Variants in TENM3 observed in about 807,000 individuals in gnomAD.
The protein encoded by TENM3 is teneurin-3.
A neutral mutation model predicts 255.1 loss-of-function variants in TENM3; 63 were observed. That is an observed-to-expected ratio of 0.25 (90% CI 0.20 to 0.30). The LOEUF is 0.30. TENM3 is among the 10% of genes least tolerant of loss of function. TENM3 has a pLI of 1.00. For missense variants in TENM3, 2,929 were observed against 3,461.1 expected, an observed-to-expected ratio of 0.85 and a Z score of 3.86; for synonymous variants, 1,306 against 1,322.3, an observed-to-expected ratio of 0.99 and a Z score of 0.27.
chr4:182,762,711 G>C (rs1186987137), intron 22 of TENM3, among the ~76,000 whole-genome samples: 2 of 152,186 alleles, frequency 1.3e-5, no homozygotes, highest in African/African-American at 2.4e-5. Flanking sequence ...AGAATATCTT[G>C]AGGCTGCAAA....
At chr4:182,654,017 C>A in intron 6 of TENM3, 124 bp downstream of exon 6, 1 of 887,218 alleles carries the variant, frequency 1.1e-6, no homozygotes, top group Non-Finnish European at 1.5e-6. Context: ...TTACAGATAT[C>A]ATCTTTTTAT....
At chr4:182,129,039 C>T in the TENM3 span, among the ~76,000 whole-genome samples, 8 of 152,266 alleles carry the variant, frequency 5.3e-5, no homozygotes, top group East Asian at 1.5e-3. Flanking sequence ...TGAGGCCACG[C>T]AGAAAGATCT....
chr4:181,950,639 ATTG>A, the TENM3 span, among the ~76,000 whole-genome samples: 5 of 152,198 alleles, frequency 3.3e-5, no homozygotes, highest in African/African-American at 9.7e-5. Context: ...GAAGTAAAAT[ATTG>A]TTGTGCTCAT....
chr4:182,637,748 A>G (rs574942441), intron 5 of TENM3, among the ~76,000 whole-genome samples: 1 of 152,212 alleles, frequency 6.6e-6, no homozygotes. Flanking sequence ...GTAGAATGCA[A>G]ACACTGAGTA....
At chr4:181,457,165 G>A in the TENM3 span, among the ~76,000 whole-genome samples, 1 of 151,734 alleles carries the variant, frequency 6.6e-6, no homozygotes, top group African/African-American at 2.4e-5. Flanking sequence ...AGAAAAACCT[G>A]ATTTTAAAAT....
the TENM3 span, among the ~76,000 whole-genome samples, chr4:181,474,666 C>T: frequency 6.3e-3 from 945 of 149,412 alleles, 11 homozygotes; most frequent in African/African-American, 0.022. Flanking sequence ...ACCTGGGAGG[C>T]GGAGGTTGCA....
chr4:181,894,142 C>A, the TENM3 span, among the ~76,000 whole-genome samples: 1 of 152,104 alleles, frequency 6.6e-6, no homozygotes, highest in Non-Finnish European at 1.5e-5. Flanking sequence ...GGATAAGGAG[C>A]TGGTCTTAAT....
At chr4:181,521,823 G>A in the TENM3 span, among the ~76,000 whole-genome samples, 21 of 152,246 alleles carry the variant, frequency 1.4e-4, no homozygotes, top group East Asian at 4.1e-3. Flanking sequence ...TGGGCCGGGT[G>A]TGGTGGCTCA....
intron 3 of TENM3, among the ~76,000 whole-genome samples, chr4:182,364,130 T>C (rs2150804542): frequency 6.6e-6 from 1 of 152,042 alleles, no homozygotes; most frequent in South Asian, 2.1e-4. Flanking sequence ...ATTTGTAATG[T>C]ACTGTCTTAA....
At chr4:182,357,986 A>G (rs1297919134) in intron 3 of TENM3, among the ~76,000 whole-genome samples, 43 of 149,876 alleles carry the variant, frequency 2.9e-4, no homozygotes, top group African/African-American at 1.0e-3. Context: ...TCCTTTCCCC[A>G]TTGCTCGTTT....
chr4:181,553,304 GTGTGTA>G, the TENM3 span, among the ~76,000 whole-genome samples: 7 of 121,738 alleles, frequency 5.8e-5, no homozygotes, highest in East Asian at 9.3e-4. Context: ...TGTGTAGTGT[GTGTGTA>G]TGTGTATGCG....
chr4:181,603,644 C>T, the TENM3 span, among the ~76,000 whole-genome samples: 2 of 152,192 alleles, frequency 1.3e-5, no homozygotes, highest in South Asian at 2.1e-4. Flanking sequence ...TAAAGTGCTT[C>T]TTCACATCCA....
intron 3 of TENM3, among the ~76,000 whole-genome samples, chr4:182,448,543 GGA>G (rs936027204): frequency 6.6e-6 from 1 of 152,198 alleles, no homozygotes; most frequent in Non-Finnish European, 1.5e-5. Context: ...TCATGGGTTG[GGA>G]GAGAGATGCT....
At chr4:182,491,389 ATGTG>A (rs147076817) in intron 3 of TENM3, among the ~76,000 whole-genome samples, 1 of 150,800 alleles carries the variant, frequency 6.6e-6, no homozygotes, top group African/African-American at 2.4e-5. Flanking sequence ...AGTGAAATTT[ATGTG>A]TGTGTGTGTG....
At chr4:182,310,735 C>A (rs1324206802) in intron 1 of TENM3, among the ~76,000 whole-genome samples, 1 of 151,820 alleles carries the variant, frequency 6.6e-6, no homozygotes, top group African/African-American at 2.4e-5. Context: ...GAGACAGAGT[C>A]TCACTCTGTT....
chr4:181,639,952 C>T, the TENM3 span, among the ~76,000 whole-genome samples: 1 of 152,190 alleles, frequency 6.6e-6, no homozygotes, highest in Non-Finnish European at 1.5e-5. Flanking sequence ...GTTTACAATG[C>T]CGTGTCGCTT....
chr4:182,787,458 G>C (rs1364076003), intron 24 of TENM3, among the ~76,000 whole-genome samples: 1 of 152,124 alleles, frequency 6.6e-6, no homozygotes, highest in Non-Finnish European at 1.5e-5. Flanking sequence ...TCTAGGCCAG[G>C]CTCGGTGGCT....
the TENM3 span, among the ~76,000 whole-genome samples, chr4:181,470,316 T>C: frequency 2.0e-5 from 3 of 152,214 alleles, no homozygotes; most frequent in East Asian, 5.8e-4. Context: ...TTTAAGCTTC[T>C]TTTGAAAGCC....
chr4:182,752,793 G>A (rs1762463342), intron 20 of TENM3, among the ~76,000 whole-genome samples: 3 of 152,086 alleles, frequency 2.0e-5, no homozygotes, highest in African/African-American at 7.2e-5. Context: ...CTGTAAGGGA[G>A]CTGGAATGGA....
Sources: allele counts gnomAD v4.1 joint callset (sites outside exome capture counted in the v4.1 genomes callset), GRCh38; gene constraint gnomAD v4.1.1; transcripts MANE v1.5; gene names NCBI Gene and HGNC (gene_info 2026-07-23, HGNC 2026-07-21).